Variants in MAN2B2 observed in about 807,000 individuals in gnomAD.
The protein encoded by MAN2B2 is epididymis-specific alpha-mannosidase.
A neutral mutation model predicts 117.1 loss-of-function variants in MAN2B2; 106 were observed. The observed-to-expected ratio is 0.90, with a 90% CI of 0.77 to 1.06. The LOEUF is 1.06. MAN2B2 is among the 50% of genes least tolerant of loss of function. The pLI is 0.00. For missense variants in MAN2B2, 1,326 were observed against 1,381.4 expected, an observed-to-expected ratio of 0.96 and a Z score of 0.64; for synonymous variants, 544 against 595.1, an observed-to-expected ratio of 0.91 and a Z score of 1.25.
At chr4:6,620,664 G>GTATCATTAAAAA in intron 18 of MAN2B2, 1 of 158,860 alleles carries the variant, frequency 6.3e-6, no homozygotes, top group Non-Finnish European at 1.4e-5. Flanking sequence ...TTGGTGGTGG[G>GTATCATTAAAAA]AGGAAGGAAG....
At position 6,587,153 on chromosome 4, in the gene MAN2B2, C is replaced by T; in HGVS notation, c.549C>T (p.Ala183=). 6.2e-7 allele frequency: 1 copy of T among 1,613,172 alleles called. No individual in the cohort carries two copies. The highest frequency in any genetic ancestry group is 8.5e-7 in the Non-Finnish European group (1 of 1,179,714). Reference sequence around the variant, plus strand: ...GGATCGACTACGACCTGAAGGCAGCCATGCAGGAGGCCCGGGTGAGTGGTG... The same window carrying T: ...GGATCGACTACGACCTGAAGGCAGCTATGCAGGAGGCCCGGGTGAGTGGTG... ...GSRIDYDLKA[A]MQEARGLQFV... is the part of the protein sequence containing the mutation. Residue 183 remains alanine (A), a synonymous_variant, in exon 4 of 19, where the codon GCC becomes GCT. Coordinates refer to ENST00000285599, the MANE Select transcript of MAN2B2 (RefSeq NM_015274.3).
chr4:6,590,278 G>C (rs1328338307), intron 5 of MAN2B2, among the ~76,000 whole-genome samples: 3 of 151,930 alleles, frequency 2.0e-5, no homozygotes, highest in Non-Finnish European at 4.4e-5. Flanking sequence ...CCAACTACTT[G>C]GGAGGCTGAG....
rs774215711 is a variant in MAN2B2 at position 6,597,175 on chromosome 4, C to T, written c.1120C>T (p.Arg374Ter). The T allele has an allele frequency of 1.9e-5, 30 of 1,612,660 alleles. No homozygotes were observed. The East Asian group carries it at 2.0e-4, about 11-fold the overall frequency. The change falls in exon 8 of 19, where the codon CGA becomes TGA. Residue 374 changes from arginine (R) to a stop codon, truncating the protein, a stop_gained. Transcript: ENST00000285599. LOFTEE classifies it high-confidence loss of function. ...SRSSLKGLAR[R>*]ASALLYAGES... Reference sequence around the variant, plus strand: ...CAGCTCACTGAAGGGGCTGGCCCGGCGAGCCAGCGCCTTGTTGTATGCCGG... The same window carrying T: ...CAGCTCACTGAAGGGGCTGGCCCGGTGAGCCAGCGCCTTGTTGTATGCCGG...
chr4:6,579,111 TCACCATCACCACTACCACCACCAC>T (rs1726223092), intron 3 of MAN2B2, among the ~76,000 whole-genome samples: 1 of 25,238 alleles, frequency 4.0e-5, no homozygotes, highest in Admixed American at 3.9e-4. Context: ...ACCACCACCA[TCACCATCACCACTACCACCACCAC>T]CACCATCACC....
intron 3 of MAN2B2, among the ~76,000 whole-genome samples, chr4:6,580,521 G>C (rs1726384787): frequency 6.6e-6 from 1 of 152,218 alleles, no homozygotes; most frequent in Non-Finnish European, 1.5e-5. Flanking sequence ...TGCCAGCGAG[G>C]AGGCTCTGGG....
rs138577694 is a variant in MAN2B2 at position 6,598,795 on chromosome 4, C to T, written c.1405+441C>T. Among the ~76,000 whole-genome samples, 18 of 152,316 alleles carry T rather than the reference C, an allele frequency of 1.2e-4. No homozygotes were observed. In the East Asian group the frequency reaches 3.5e-3, roughly 29 times the overall value. On this transcript the variant is annotated intron_variant, in intron 9 of 18. Coordinates refer to ENST00000285599, the MANE Select transcript of MAN2B2 (RefSeq NM_015274.3). Reference sequence around the variant, plus strand: ...TGAACACGGTGCTGCCCAGCCTTGGCAGAGAGTACGCCGGTGTCCTCAGGG... The same window carrying T: ...TGAACACGGTGCTGCCCAGCCTTGGTAGAGAGTACGCCGGTGTCCTCAGGG...
intron 1 of MAN2B2, among the ~76,000 whole-genome samples, chr4:6,576,151 G>C (rs999832283): frequency 1.3e-5 from 2 of 152,164 alleles, no homozygotes; most frequent in Non-Finnish European, 2.9e-5. Flanking sequence ...CTCAGCACCA[G>C]CTTTCCTCAT....
intron 9 of MAN2B2, among the ~76,000 whole-genome samples, chr4:6,599,818 A>G (rs1234411370): frequency 6.6e-6 from 1 of 152,180 alleles, no homozygotes; most frequent in African/African-American, 2.4e-5. Context: ...AATCCCATCC[A>G]ACCTGCAGGC....
At chr4:6,603,418 T>C (rs1450318125) in intron 10 of MAN2B2, among the ~76,000 whole-genome samples, 3 of 151,768 alleles carry the variant, frequency 2.0e-5, no homozygotes, top group Non-Finnish European at 4.4e-5. Context: ...ATGGTGACAG[T>C]GTGGAGTGGT....
At position 6,614,535 on chromosome 4, in the gene MAN2B2, G is replaced by C. The variant is rs867710340; in HGVS notation, c.2701+180G>C. ...AGGGAGAGTCAGTGATCAGTCACTT[G>C]GCAAGCTGGAGGCGAGGTGGGCCTG... On this transcript the variant is annotated intron_variant, in intron 16 of 18. Transcript: ENST00000285599. 4.6e-5 allele frequency among the ~76,000 whole-genome samples: 7 copies of C among 152,268 alleles called. No homozygotes were observed. In the South Asian group the frequency reaches 1.0e-3, roughly 23 times the overall value.
chr4:6,600,656 A>G lies in MAN2B2; in HGVS notation c.1439A>G (p.Tyr480Cys), dbSNP rs1350017134. Residue 480 changes from tyrosine (Y) to cysteine (C), a missense_variant, in exon 10 of 19, where the codon TAC becomes TGC. Transcript: ENST00000285599. ...CCTGCAGGACATTTTGCCTCGGTCT[A>G]CAACCCGCTGGCCTGGACGGTCACC... The part of the protein sequence containing the change: ...AGPAGHFASV[Y>C]NPLAWTVTTI... The G allele has an allele frequency of 6.2e-7, 1 of 1,614,000 alleles. No individual in the cohort carries two copies. Among genetic ancestry groups the G allele is most frequent in the Non-Finnish European group, 8.5e-7 (1 of 1,180,032 alleles).
intron 16 of MAN2B2, among the ~76,000 whole-genome samples, 177 bp from the exon 17 acceptor site, chr4:6,617,203 G>A (rs967950905): frequency 6.6e-5 from 10 of 152,210 alleles, no homozygotes; most frequent in Admixed American, 5.9e-4. Flanking sequence ...CCCACAACAT[G>A]TGGACATTAT....
intron 8 of MAN2B2, 105 bp downstream of exon 8, chr4:6,597,408 CCA>C (rs1727146503): frequency 1.0e-5 from 13 of 1,239,716 alleles, no homozygotes; most frequent in Admixed American, 9.8e-5. Context: ...ACTAGAGGCC[CCA>C]CTTTACAGAG....
At chr4:6,609,538 C>A in intron 12 of MAN2B2, 1 of 624,120 alleles carries the variant, frequency 1.6e-6, no homozygotes, top group Non-Finnish European at 2.8e-6. Context: ...GACCCTGGGG[C>A]CCACAGAGCA....
chr4:6,590,383 CTCAA>C (rs759444261), intron 5 of MAN2B2, among the ~76,000 whole-genome samples: 2 of 152,098 alleles, frequency 1.3e-5, no homozygotes, highest in African/African-American at 2.4e-5. Flanking sequence ...AAGACTCTGT[CTCAA>C]TCAATCAATC....
chr4:6,576,846 C>A, intron 2 of MAN2B2, 122 bp downstream of exon 2: 1 of 1,082,720 alleles, frequency 9.2e-7, no homozygotes, highest in Non-Finnish European at 1.4e-6. Context: ...AGGGCCAAAA[C>A]CCCACCGGGC....
At position 6,578,576 on chromosome 4, in the gene MAN2B2, T is replaced by C; in HGVS notation, c.391+78T>C. On this transcript the variant is annotated intron_variant, in intron 3 of 18. Coordinates refer to ENST00000285599, the MANE Select transcript of MAN2B2 (RefSeq NM_015274.3). ...GGGACATGGTATCAGAACCCCCAGG[T>C]TCTGAGCTCTGTCTGCCCCTCTTAG... 4.9e-6 allele frequency: 6 copies of C among 1,227,584 alleles called. 1 individual carries two copies. In the African/African-American group the frequency reaches 6.0e-5, roughly 12 times the overall value. The allele number at this position is 1,227,584 out of a possible 1,614,324, so 76.0% of individuals were successfully genotyped here. A position where few individuals can be genotyped will look rare whatever the true frequency, so the allele number is the denominator to read the frequency against.
intron 3 of MAN2B2, among the ~76,000 whole-genome samples, chr4:6,580,479 G>A (rs1726383426): frequency 6.6e-6 from 1 of 152,222 alleles, no homozygotes; most frequent in Admixed American, 6.5e-5. Flanking sequence ...GTGTGACACT[G>A]TAGGCGTGTC....
chr4:6,578,284 T>G, intron 2 of MAN2B2, 109 bp from the exon 3 acceptor site: 1 of 737,444 alleles, frequency 1.4e-6, no homozygotes, highest in Non-Finnish European at 2.3e-6. Flanking sequence ...TAAGCAAGGG[T>G]GGGGAGTTTT....
Sources: gnomAD v4.1 joint callset for allele counts (sites outside exome capture counted in the v4.1 genomes callset) on GRCh38, gnomAD v4.1.1 for gene constraint, MANE v1.5 for transcripts, NCBI Gene and HGNC (gene_info 2026-07-23, HGNC 2026-07-21) for gene names.